The following DHRS7B variants were observed in gnomAD, a reference collection of about 807,000 sequenced individuals.
The protein encoded by DHRS7B is dehydrogenase/reductase 7B.
DHRS7B carries 24 observed loss-of-function variants against 26.4 expected under a neutral mutation model. The ratio of observed to expected loss-of-function variants is 0.91; its 90% CI spans 0.66 to 1.28. The LOEUF (loss-of-function observed/expected upper bound fraction) is 1.28, where lower values mean the gene tolerates loss of function less well. DHRS7B is among the 50% of genes most tolerant of loss of function. The pLI, the probability that DHRS7B is intolerant of heterozygous loss-of-function variation, is 0.00. For synonymous variants in DHRS7B, 142 were observed against 166.4 expected, an observed-to-expected ratio of 0.85 and a Z score of 1.13; for missense variants, 368 against 419.4, an observed-to-expected ratio of 0.88 and a Z score of 1.07.
intron 1 of DHRS7B, among the ~76,000 whole-genome samples, chr17:21,129,704 C>CA (rs61077377): frequency 0.072 from 5,354 of 74,510 alleles, 325 homozygotes; most frequent in African/African-American, 0.12. Context: ...GACCCTGACT[C>CA]AAAAAAAAAA....
At chr17:21,170,665 A>T (rs1397745901) in intron 1 of DHRS7B, among the ~76,000 whole-genome samples, 1 of 152,210 alleles carries the variant, frequency 6.6e-6, no homozygotes, top group Non-Finnish European at 1.5e-5. Context: ...ATGCTAATCT[A>T]GTTCAGTTGA....
chr17:21,155,133 G>A (rs995211310), intron 1 of DHRS7B, among the ~76,000 whole-genome samples: 5 of 152,182 alleles, frequency 3.3e-5, no homozygotes, highest in African/African-American at 9.6e-5. Flanking sequence ...TATTAATCCA[G>A]CTATGTCAAT....
intron 1 of DHRS7B, among the ~76,000 whole-genome samples, chr17:21,131,013 G>C (rs188899370): frequency 2.5e-3 from 380 of 152,286 alleles, no homozygotes; most frequent in African/African-American, 8.5e-3. Flanking sequence ...AAAGTTCCCA[G>C]TAACATGAGG....
chr17:21,155,271 A>G (rs1369004015), intron 1 of DHRS7B, among the ~76,000 whole-genome samples: 1 of 152,234 alleles, frequency 6.6e-6, no homozygotes, highest in African/African-American at 2.4e-5. Flanking sequence ...ATAAAGACAC[A>G]TATAGATTAA....
At chr17:21,133,045 C>T (rs1036984391) in intron 1 of DHRS7B, among the ~76,000 whole-genome samples, 1 of 152,236 alleles carries the variant, frequency 6.6e-6, no homozygotes, top group African/African-American at 2.4e-5. Flanking sequence ...AAATAACTGT[C>T]ATACCTACCT....
chr17:21,154,484 A>G (rs1390718956), intron 1 of DHRS7B, among the ~76,000 whole-genome samples: 1 of 152,220 alleles, frequency 6.6e-6, no homozygotes, highest in African/African-American at 2.4e-5. Context: ...CAGACCAAAA[A>G]TAAATAAATG....
intron 1 of DHRS7B, among the ~76,000 whole-genome samples, chr17:21,143,752 A>C (rs1262885307): frequency 2.0e-5 from 3 of 152,218 alleles, no homozygotes; most frequent in Non-Finnish European, 2.9e-5. Flanking sequence ...CAGCTTGCAC[A>C]AAAGAGTTGT....
chr17:21,141,713 C>G (rs1351085593), intron 1 of DHRS7B, among the ~76,000 whole-genome samples: 1 of 148,812 alleles, frequency 6.7e-6, no homozygotes, highest in Non-Finnish European at 1.5e-5. Flanking sequence ...AATCACTTGC[C>G]TTGTGCTGGA....
intron 1 of DHRS7B, among the ~76,000 whole-genome samples, chr17:21,138,101 T>TATATACAC (rs1555536219): frequency 4.6e-4 from 40 of 86,110 alleles, no homozygotes; most frequent in African/African-American, 2.3e-3. Context: ...TATATATATA[T>TATATACAC]ACACACACAC....
chr17:21,168,754 A>G, intron 1 of DHRS7B: 2 of 985,464 alleles, frequency 2.0e-6, no homozygotes, highest in Non-Finnish European at 2.4e-6. Flanking sequence ...CCCCACAGAC[A>G]GCGGCCCGGG....
At chr17:21,166,604 A>G (rs902589818) in intron 1 of DHRS7B, 5 of 341,904 alleles carry the variant, frequency 1.5e-5, no homozygotes, top group African/African-American at 4.5e-5. Flanking sequence ...GCTTTCAGAT[A>G]TATTTCAAGA....
chr17:21,177,498 G>A (rs1227641853), intron 2 of DHRS7B, among the ~76,000 whole-genome samples: 1 of 152,208 alleles, frequency 6.6e-6, no homozygotes, highest in Non-Finnish European at 1.5e-5. Flanking sequence ...AGTGTGGTGG[G>A]CTTGGTGGAG....
At position 21,150,611 on chromosome 17, in the gene DHRS7B, C is replaced by T. The variant is rs185699001; in HGVS notation, c.21-21407C>T. On this transcript the variant is annotated intron_variant, in intron 1 of 6. Transcript: ENST00000395511. ...CAGCCTGGGCAAAAGAGCAAAACTC[C>T]GTTTTTTAAAAAAGCATTTATTCAT... Among the ~76,000 whole-genome samples, 122 of 152,228 alleles carry T rather than the reference C, an allele frequency of 8.0e-4. 1 individual carries two copies. Among genetic ancestry groups the T allele is most frequent in the South Asian group, 2.5e-3 (12 of 4,828 alleles).
intron 3 of DHRS7B, 24 bp from the exon 4 acceptor site, chr17:21,183,570 T>C (rs1390092499): frequency 6.2e-7 from 1 of 1,609,514 alleles, no homozygotes; most frequent in Non-Finnish European, 8.5e-7. Flanking sequence ...AGAAAGTGAA[T>C]TTGTATCTGT....
At chr17:21,148,719 C>T (rs973624901) in intron 1 of DHRS7B, among the ~76,000 whole-genome samples, 3 of 151,994 alleles carry the variant, frequency 2.0e-5, no homozygotes, top group Admixed American at 6.6e-5. Context: ...GCACTCCAGC[C>T]TAGGCGACAG....
At chr17:21,190,882 G>C in intron 6 of DHRS7B, 66 bp from the exon 7 acceptor site, 1 of 1,559,808 alleles carries the variant, frequency 6.4e-7, no homozygotes. Flanking sequence ...ACTCACATCA[G>C]CTCCACTCCT....
intron 5 of DHRS7B, 142 bp from the exon 6 acceptor site, chr17:21,188,569 C>G (rs982312839): frequency 2.3e-5 from 22 of 973,816 alleles, no homozygotes; most frequent in African/African-American, 6.7e-5. Context: ...GAGCTGGAGT[C>G]CAGCCTAAGC....
At chr17:21,166,358 T>G in intron 1 of DHRS7B, 1 of 985,424 alleles carries the variant, frequency 1.0e-6, no homozygotes, top group Non-Finnish European at 1.2e-6. Context: ...CGTGGCTTGT[T>G]CAGGCATTCC....
At chr17:21,171,400 C>G (rs563727591) in intron 1 of DHRS7B, among the ~76,000 whole-genome samples, 14 of 152,324 alleles carry the variant, frequency 9.2e-5, no homozygotes, top group African/African-American at 3.4e-4. Context: ...GCACGCTCAC[C>G]GGCCGGAGCC....
Sources: allele counts gnomAD v4.1 joint callset (sites outside exome capture counted in the v4.1 genomes callset), GRCh38; gene constraint gnomAD v4.1.1; transcripts MANE v1.5; gene names NCBI Gene and HGNC (gene_info 2026-07-23, HGNC 2026-07-21).